KYAT3: variants seen among roughly 807,000 people sequenced by gnomAD.
The protein encoded by KYAT3 is kynurenine--oxoglutarate transaminase 3.
Under a neutral mutation model 59.0 loss-of-function variants are expected in KYAT3, and 50 were observed. The observed-to-expected ratio is 0.85, with a 90% CI of 0.68 to 1.07. The LOEUF is 1.07. Ranked by LOEUF, KYAT3 falls within the 50% of genes least tolerant of loss-of-function variation. KYAT3 has a pLI of 0.00. For synonymous variants in KYAT3, 148 were observed against 177.0 expected (o/e 0.84, Z 1.30); for missense variants, 497 against 533.3 (o/e 0.93, Z 0.67).
chr1:88,937,350 G>A (rs1356030012), intron 13 of KYAT3, among the ~76,000 whole-genome samples: 1 of 152,144 alleles, frequency 6.6e-6, no homozygotes, highest in Admixed American at 6.5e-5. Context: ...TTCTCTCAGG[G>A]ACTGGGAAGG....
chr1:88,952,502 A>T (rs1675718490), intron 10 of KYAT3, among the ~76,000 whole-genome samples: 1 of 152,130 alleles, frequency 6.6e-6, no homozygotes, highest in South Asian at 2.1e-4. Context: ...GTTGTTTAAA[A>T]GTGTGTTGCA....
intron 2 of KYAT3, 29 bp from the exon 3 acceptor site, chr1:88,969,496 T>G: frequency 7.5e-7 from 1 of 1,328,260 alleles, no homozygotes; most frequent in Non-Finnish European, 1.1e-6. Flanking sequence ...GAAAAGGAAT[T>G]GCCTTAGTCA....
At chr1:88,982,405 G>C in intron 2 of KYAT3, 3 of 866,266 alleles carry the variant, frequency 3.5e-6, no homozygotes, top group Non-Finnish European at 4.9e-6. Context: ...TACAACACTA[G>C]TACTACAAGG....
intron 2 of KYAT3, among the ~76,000 whole-genome samples, chr1:88,986,972 G>A (rs1384035444): frequency 6.6e-6 from 1 of 152,132 alleles, no homozygotes; most frequent in Non-Finnish European, 1.5e-5. Flanking sequence ...AAACACTTTG[G>A]CAGTTACTTA....
intron 6 of KYAT3, 129 bp from the exon 7 acceptor site, chr1:88,961,635 C>A (rs895668588): frequency 2.6e-6 from 2 of 769,136 alleles, no homozygotes; most frequent in Non-Finnish European, 4.1e-6. Flanking sequence ...AAATTACCAA[C>A]AAATGCTTTC....
intron 2 of KYAT3, chr1:88,983,920 C>A (rs1195115638): frequency 4.8e-6 from 7 of 1,447,612 alleles, no homozygotes; most frequent in East Asian, 2.3e-5. Flanking sequence ...GCACCAGTGG[C>A]GGCTGTCAGT....
intron 8 of KYAT3, among the ~76,000 whole-genome samples, chr1:88,959,481 G>A (rs988351906): frequency 2.0e-5 from 3 of 150,230 alleles, no homozygotes; most frequent in African/African-American, 4.9e-5. Context: ...CCTGAGGCAG[G>A]AGAATTGTTG....
chr1:88,982,575 G>A, intron 2 of KYAT3: 3 of 1,505,642 alleles, frequency 2.0e-6, no homozygotes, highest in South Asian at 1.3e-5. Flanking sequence ...AGTAGTCCTT[G>A]GGTAGTTATG....
intron 6 of KYAT3, 114 bp downstream of exon 6, chr1:88,961,945 A>T: frequency 1.3e-6 from 1 of 743,154 alleles, no homozygotes; most frequent in Non-Finnish European, 2.4e-6. Context: ...AGAGATATAC[A>T]GGAAATCTCC....
At chr1:88,924,609 T>C in the KYAT3 span, among the ~76,000 whole-genome samples, 1 of 152,208 alleles carries the variant, frequency 6.6e-6, no homozygotes, top group Non-Finnish European at 1.5e-5. Flanking sequence ...ACTGTTCTGG[T>C]CCGTGTTTGT....
chr1:88,975,944 A>G (rs570358887), intron 2 of KYAT3, among the ~76,000 whole-genome samples: 1 of 152,182 alleles, frequency 6.6e-6, no homozygotes, highest in Admixed American at 6.5e-5. Context: ...CAGTGGCAGG[A>G]GAATCGTCTG....
chr1:88,984,137 T>TA (rs1677292532), intron 2 of KYAT3: 1 of 336,796 alleles, frequency 3.0e-6, no homozygotes, highest in Admixed American at 4.4e-5. Context: ...TGCTTAAAGA[T>TA]ACATAAAAAA....
intron 10 of KYAT3, among the ~76,000 whole-genome samples, chr1:88,950,904 C>G (rs1675640660): frequency 6.6e-6 from 1 of 152,226 alleles, no homozygotes; most frequent in South Asian, 2.1e-4. Context: ...CTCCATTGGA[C>G]TCCCAGCTAC....
intron 1 of KYAT3, 103 bp from the exon 2 acceptor site, chr1:88,988,454 C>T: frequency 1.7e-6 from 1 of 601,506 alleles, no homozygotes; most frequent in Admixed American, 3.4e-5. Flanking sequence ...TACGTAAAAT[C>T]CAAGTAAACA....
intron 2 of KYAT3, chr1:88,983,235 G>T: frequency 2.5e-6 from 4 of 1,613,362 alleles, no homozygotes; most frequent in Non-Finnish European, 3.4e-6. Flanking sequence ...GAGGGGAGCG[G>T]TTCCCTTCGA....
intron 13 of KYAT3, among the ~76,000 whole-genome samples, 173 bp from the exon 14 acceptor site, chr1:88,936,418 C>T (rs1036037820): frequency 2.0e-5 from 3 of 152,022 alleles, no homozygotes; most frequent in South Asian, 2.1e-4. Flanking sequence ...AACAGTTAAC[C>T]AAATGAATTA....
At chr1:88,972,119 A>G (rs1016300712) in intron 2 of KYAT3, among the ~76,000 whole-genome samples, 1 of 152,220 alleles carries the variant, frequency 6.6e-6, no homozygotes, top group Non-Finnish European at 1.5e-5. Context: ...AGGGCTGGCA[A>G]ATCTGAAATC....
At chr1:88,944,789 A>G (rs1362747337) in intron 11 of KYAT3, among the ~76,000 whole-genome samples, 3 of 152,310 alleles carry the variant, frequency 2.0e-5, no homozygotes, top group African/African-American at 4.8e-5. Context: ...GACTAATTCT[A>G]ATTGACACTG....
chr1:88,942,939 A>G, intron 13 of KYAT3, 66 bp downstream of exon 13: 1 of 1,187,312 alleles, frequency 8.4e-7, no homozygotes, highest in Non-Finnish European at 1.2e-6. Context: ...AAACAGAAGA[A>G]AATAGTACTT....
Sources: allele counts gnomAD v4.1 joint callset (sites outside exome capture counted in the v4.1 genomes callset), GRCh38; gene constraint gnomAD v4.1.1; transcripts MANE v1.5; gene names NCBI Gene and HGNC (gene_info 2026-07-23, HGNC 2026-07-21).